Variants in EXOC4 observed in about 807,000 individuals in gnomAD.
EXOC4 encodes SEC8-like 1.
EXOC4 carries 71 observed loss-of-function variants against 107.2 expected under a neutral mutation model. That is an observed-to-expected ratio of 0.66 (90% CI 0.55 to 0.81). The LOEUF is 0.81. EXOC4 is among the 30% of genes least tolerant of loss of function. The pLI is 0.00. For missense variants in EXOC4, 1,108 were observed against 1,189.6 expected (o/e 0.93, Z 1.01); for synonymous variants, 456 against 441.2 (o/e 1.03, Z -0.42).
At chr7:133,985,111 T>C (rs1002976339) in intron 14 of EXOC4, among the ~76,000 whole-genome samples, 3 of 152,180 alleles carry the variant, frequency 2.0e-5, no homozygotes, top group African/African-American at 7.2e-5. Context: ...ATGTTTGTAG[T>C]TAGGGTAATA....
chr7:134,050,961 G>A (rs1480336823), intron 17 of EXOC4, among the ~76,000 whole-genome samples: 1 of 152,136 alleles, frequency 6.6e-6, no homozygotes, highest in African/African-American at 2.4e-5. Context: ...TGTAGGATCT[G>A]TGATAGTGAG....
At chr7:133,616,001 AGT>A (rs1367175656) in intron 9 of EXOC4, among the ~76,000 whole-genome samples, 1 of 152,186 alleles carries the variant, frequency 6.6e-6, no homozygotes, top group Non-Finnish European at 1.5e-5. Context: ...AGTCAAACGT[AGT>A]ATGTATTGAA....
At chr7:133,835,570 C>T (rs1797902350) in intron 11 of EXOC4, among the ~76,000 whole-genome samples, 1 of 152,176 alleles carries the variant, frequency 6.6e-6, no homozygotes, top group African/African-American at 2.4e-5. Flanking sequence ...GAATGGGAGG[C>T]AGGTTTGCCC....
intron 9 of EXOC4, among the ~76,000 whole-genome samples, chr7:133,540,302 A>G (rs1372132355): frequency 6.6e-6 from 1 of 152,102 alleles, no homozygotes; most frequent in African/African-American, 2.4e-5. Flanking sequence ...TTTTTCTTCA[A>G]ACTCCAGCCC....
intron 9 of EXOC4, among the ~76,000 whole-genome samples, chr7:133,575,020 T>C (rs1026510594): frequency 1.3e-5 from 2 of 152,236 alleles, no homozygotes; most frequent in Admixed American, 1.3e-4. Context: ...CAGGATCAGA[T>C]AATTATGATA....
At chr7:133,709,456 CT>C (rs1794838056) in intron 10 of EXOC4, among the ~76,000 whole-genome samples, 1 of 152,110 alleles carries the variant, frequency 6.6e-6, no homozygotes, top group South Asian at 2.1e-4. Context: ...GTTTAGACAC[CT>C]TGTTTGTTAT....
chr7:133,307,994 C>G lies in EXOC4; in HGVS notation c.656+1933C>G, dbSNP rs1402389719. 2.0e-5 allele frequency among the ~76,000 whole-genome samples: 3 copies of G among 152,110 alleles called. 1 individual carries two copies. Among genetic ancestry groups the G allele is most frequent in the Non-Finnish European group, 4.4e-5 (3 of 67,996 alleles). On this transcript the variant is annotated intron_variant, in intron 4 of 17. Transcript: ENST00000253861. Reference sequence around the variant, plus strand: ...TACAAGAACAGAGTGAGGAGAGATGCTAACAGAGCTAACTAAAACATGAAT... The same window carrying G: ...TACAAGAACAGAGTGAGGAGAGATGGTAACAGAGCTAACTAAAACATGAAT...
At chr7:133,917,020 GGCAGT>G (rs1181603931) in intron 12 of EXOC4, among the ~76,000 whole-genome samples, 1 of 152,158 alleles carries the variant, frequency 6.6e-6, no homozygotes, top group Non-Finnish European at 1.5e-5. Flanking sequence ...CACTGGAGAT[GGCAGT>G]AATCAAAGGC....
chr7:133,790,642 T>A (rs1562998936), intron 10 of EXOC4, among the ~76,000 whole-genome samples: 2 of 152,264 alleles, frequency 1.3e-5, no homozygotes. Context: ...TTCCTGTTAC[T>A]AGAGCTAGGT....
At chr7:133,827,186 CCT>C (rs1235863620) in intron 11 of EXOC4, among the ~76,000 whole-genome samples, 1 of 152,168 alleles carries the variant, frequency 6.6e-6, no homozygotes, top group East Asian at 1.9e-4. Context: ...ATAAGTAGTG[CCT>C]TTATTGATAT....
chr7:134,018,008 A>G (rs1794948985), intron 17 of EXOC4, among the ~76,000 whole-genome samples: 1 of 152,218 alleles, frequency 6.6e-6, no homozygotes, highest in Non-Finnish European at 1.5e-5. Context: ...TCCAGTAAAG[A>G]TCCCAAGGAA....
intron 17 of EXOC4, among the ~76,000 whole-genome samples, chr7:134,046,648 C>T (rs1239954852): frequency 2.0e-5 from 3 of 151,684 alleles, no homozygotes; most frequent in Non-Finnish European, 4.4e-5. Context: ...TTCCCCAGTA[C>T]TCCAGGCCTC....
chr7:134,057,542 G>A (rs867922676), intron 17 of EXOC4, among the ~76,000 whole-genome samples: 4 of 152,006 alleles, frequency 2.6e-5, no homozygotes, highest in Admixed American at 1.3e-4. Context: ...TAAGCTCTTC[G>A]AAGGGGAATA....
chr7:133,516,650 A>G (rs1005788960), intron 9 of EXOC4, among the ~76,000 whole-genome samples: 16 of 150,386 alleles, frequency 1.1e-4, no homozygotes, highest in African/African-American at 3.7e-4. Flanking sequence ...GCAGGATTTT[A>G]TATGCACATG....
chr7:133,298,250 G>A (rs1794562892), intron 3 of EXOC4, among the ~76,000 whole-genome samples: 1 of 152,124 alleles, frequency 6.6e-6, no homozygotes, highest in African/African-American at 2.4e-5. Context: ...AATAGTTCAC[G>A]TTAGTAAAGA....
intron 9 of EXOC4, among the ~76,000 whole-genome samples, chr7:133,507,607 G>A (rs1396862557): frequency 5.3e-5 from 8 of 152,132 alleles, no homozygotes; most frequent in Non-Finnish European, 1.2e-4. Context: ...CCAGTATGTG[G>A]CCCAACATAT....
chr7:133,299,293 T>C (rs1350984222), intron 3 of EXOC4, among the ~76,000 whole-genome samples: 1 of 152,160 alleles, frequency 6.6e-6, no homozygotes, highest in Non-Finnish European at 1.5e-5. Context: ...TGAAAACCTT[T>C]AAAGGTCTCT....
rs550267002 is a variant in EXOC4 at position 133,903,789 on chromosome 7, T to C, written c.1871+8054T>C. Among the ~76,000 whole-genome samples, 3 of 152,168 alleles carry C rather than the reference T, an allele frequency of 2.0e-5. No individual in the cohort carries two copies. In the South Asian group the frequency reaches 6.2e-4, roughly 32 times the overall value. ...GATGAAATCTTCACAGGAGGGAGTA[T>C]ACTCATGGCAAAGAAGAGGACCATG... On this transcript the variant is annotated intron_variant, in intron 12 of 17. Coordinates refer to ENST00000253861, the MANE Select transcript of EXOC4 (RefSeq NM_021807.4).
At chr7:133,743,750 A>G (rs1795617086) in intron 10 of EXOC4, among the ~76,000 whole-genome samples, 2 of 152,170 alleles carry the variant, frequency 1.3e-5, no homozygotes, top group African/African-American at 4.8e-5. Context: ...AGGCTTAATC[A>G]ACAAGCCACA....
Sources: gnomAD v4.1 joint callset for allele counts (sites outside exome capture counted in the v4.1 genomes callset) on GRCh38, gnomAD v4.1.1 for gene constraint, MANE v1.5 for transcripts, NCBI Gene and HGNC (gene_info 2026-07-23, HGNC 2026-07-21) for gene names.